The following NOTCH1 variants were observed in gnomAD, a reference collection of about 807,000 sequenced individuals.
NOTCH1 encodes neurogenic locus notch homolog protein 1.
Under a neutral mutation model 254.8 loss-of-function variants are expected in NOTCH1, and 37 were observed. The observed-to-expected ratio is 0.15, with a 90% CI of 0.11 to 0.19. NOTCH1 has a LOEUF of 0.19. NOTCH1 is among the 10% of genes least tolerant of loss of function. The probability of loss-of-function intolerance (pLI) is 1.00; values close to 1 mark genes in which losing one functional copy is unlikely to be tolerated. For synonymous variants in NOTCH1, 1,731 were observed against 1,618.1 expected, an observed-to-expected ratio of 1.07 and a Z score of -1.68; for missense variants, 2,972 against 3,708.6, an observed-to-expected ratio of 0.80 and a Z score of 5.16.
rs768625801 is a variant in NOTCH1, at chr9:136,523,785, C to A, written c.335G>T (p.Arg112Leu). The A allele has an allele frequency of 1.2e-6, 2 of 1,611,602 alleles. No individual in the cohort carries two copies. Among genetic ancestry groups the A allele is most frequent in the African/African-American group, 1.3e-5 (1 of 74,884 alleles). ...GAGCAGGTCGCAGGTGCCCCCGTTG[C>A]GGCAGGGGTTGGTGAGGCAGGCATT... ...LDNACLTNPC[R>L]NGGTCDLLTL... The change falls in exon 3 of 34, where the codon CGC becomes CTC. Residue 112 changes from arginine (R) to leucine (L), a missense_variant. Arg to Leu is a moderately radical substitution (Grantham distance 102). Coordinates refer to ENST00000651671, the MANE Select transcript of NOTCH1 (RefSeq NM_017617.5).
At chr9:136,522,578 C>G (rs1475764549) in intron 4 of NOTCH1, 1 of 490,918 alleles carries the variant, frequency 2.0e-6, no homozygotes, top group African/African-American at 2.0e-5. Context: ...TGGGGGGAGG[C>G]AGGGCGTCCT....
intron 19 of NOTCH1, 54 bp downstream of exon 19, chr9:136,508,816 T>G: frequency 6.7e-7 from 1 of 1,494,244 alleles, no homozygotes; most frequent in African/African-American, 1.4e-5. Flanking sequence ...CTCCCGCAGG[T>G]AGGCACCCAC....
In NOTCH1 at chr9:136,511,310, C is replaced by G. The variant is rs551999671; in HGVS notation, c.2468-39G>C. The G allele has an allele frequency of 1.9e-6, 3 of 1,581,936 alleles. No individual in the cohort carries two copies. In the Admixed American group the frequency reaches 5.3e-5, roughly 28 times the overall value. On this transcript the variant is annotated intron_variant, in intron 15 of 33. Coordinates refer to ENST00000651671, the MANE Select transcript of NOTCH1 (RefSeq NM_017617.5). ...ACACACGTGACCCCGGGAGCCTCACCCAGAGGGATCTCCCAAATCGGCCAC... is the reference window on the plus strand; with the variant it reads ...ACACACGTGACCCCGGGAGCCTCACGCAGAGGGATCTCCCAAATCGGCCAC...
intron 24 of NOTCH1, 68 bp from the exon 25 acceptor site, chr9:136,505,949 C>T: frequency 7.0e-7 from 1 of 1,426,814 alleles, no homozygotes; most frequent in Non-Finnish European, 9.4e-7. Flanking sequence ...ACCTCACACC[C>T]AGCCCTCGGC....
chr9:136,518,320 A>T (rs760065523), intron 6 of NOTCH1, 28 bp from the exon 7 acceptor site: 1 of 1,599,726 alleles, frequency 6.3e-7, no homozygotes, highest in Admixed American at 1.7e-5. Flanking sequence ...GTCAGTGGGC[A>T]CGGCCCCTGG....
In NOTCH1 at chr9:136,502,974, G is replaced by A. The variant is rs11574905; in HGVS notation, c.5167+208C>T. ...CACCCACTTTCCCGTGGCTGGACTCGTTCCCAGGTGGCTCCACCGGCAGCT... is the reference window on the plus strand; with the variant it reads ...CACCCACTTTCCCGTGGCTGGACTCATTCCCAGGTGGCTCCACCGGCAGCT... On this transcript the variant is annotated intron_variant, in intron 27 of 33. Coordinates refer to ENST00000651671, the MANE Select transcript of NOTCH1 (RefSeq NM_017617.5). The A allele has an allele frequency of 0.034, 25,070 of 734,444 alleles. 570 individuals carry two copies. The highest frequency in any genetic ancestry group is 0.046 in the Non-Finnish European group (19,082 of 415,478). 45.5% of individuals were successfully genotyped at this position (734,444 alleles called of 1,614,324 possible). A position where few individuals can be genotyped will look rare whatever the true frequency, so the allele number is the denominator to read the frequency against.
In NOTCH1 at chr9:136,524,113, G is replaced by A. The variant is rs556267943; in HGVS notation, c.141-134C>T. ...GGCACGGGCACAACGGCTGCTTAGC[G>A]GGGTTCCCTTAGGGCTGATAAAATG... On this transcript the variant is annotated intron_variant, in intron 2 of 33. Coordinates refer to ENST00000651671, the MANE Select transcript of NOTCH1 (RefSeq NM_017617.5). 1.0e-5 allele frequency: 12 copies of A among 1,193,206 alleles called. No individual in the cohort carries two copies. The East Asian group carries it at 1.0e-4, about 10-fold the overall frequency. The allele number at this position is 1,193,206 out of a possible 1,614,324, so 73.9% of individuals were successfully genotyped here.
chr9:136,507,563 C>A, intron 21 of NOTCH1, 126 bp from the exon 22 acceptor site: 2 of 1,342,020 alleles, frequency 1.5e-6, no homozygotes, highest in Non-Finnish European at 2.1e-6. Context: ...AGCCACGGGC[C>A]CCTCGCTCCT....
In NOTCH1 at chr9:136,504,971, G is replaced by A. The variant is rs2133337220; in HGVS notation, c.4720C>T (p.Leu1574=). Residue 1574 remains leucine (L), a synonymous_variant, in exon 26 of 34, where the codon CTG becomes TTG. Transcript: ENST00000651671. ...GGCGGCATCAGCACCACCACCACCAGCGTGCCGGCCGCCAGCCTCTCGGGT... is the reference window on the plus strand; with the variant it reads ...GGCGGCATCAGCACCACCACCACCAACGTGCCGGCCGCCAGCCTCTCGGGT... The part of the protein sequence containing the change: ...HVPERLAAGT[L]VVVVLMPPEQ... 1 of 1,588,012 alleles carries A rather than the reference G, an allele frequency of 6.3e-7. No individual in the cohort carries two copies. Among genetic ancestry groups the A allele is most frequent in the Non-Finnish European group, 8.5e-7 (1 of 1,169,626 alleles).
Position 136,505,640 on chromosome 9 carries a change from T to G in NOTCH1, c.4256A>C (p.Lys1419Thr), listed in dbSNP as rs753585226. 1 of 1,612,148 alleles carries G rather than the reference T, an allele frequency of 6.2e-7. No homozygotes were observed. The highest frequency in any genetic ancestry group is 8.5e-7 in the Non-Finnish European group (1 of 1,179,590). The change falls in exon 25 of 34, where the codon AAA becomes ACA. Residue 1419 changes from lysine to threonine, a missense_variant. Coordinates refer to ENST00000651671, the MANE Select transcript of NOTCH1 (RefSeq NM_017617.5). ...SPFYRCLCPA[K>T]FNGLLCHILD... ...GATGTGGCACAAGAGCCCGTTGAAT[T>G]TGGCGGGGCACAGGCAACGGTAGAA...
At position 136,495,173 on chromosome 9, in the gene NOTCH1, G is replaced by C. The variant is rs1842897841; in HGVS notation, c.*898C>G. 2.5e-6 allele frequency: 1 copy of C among 399,014 alleles called. No homozygotes were observed. The highest frequency in any genetic ancestry group is 4.4e-6 in the Non-Finnish European group (1 of 226,108). The allele number at this position is 399,014 out of a possible 1,614,324, so 24.7% of individuals were successfully genotyped here. On this transcript the variant is annotated 3_prime_UTR_variant, in exon 34 of 34. Transcript: ENST00000651671. Reference sequence around the variant, plus strand: ...TCAGCCCAGGCAGTGTCTTTCCCCAGAAAAGGGTAGGATGCCTCCGTGTGT... The same window carrying C: ...TCAGCCCAGGCAGTGTCTTTCCCCACAAAAGGGTAGGATGCCTCCGTGTGT...
intron 2 of NOTCH1, among the ~76,000 whole-genome samples, chr9:136,524,867 A>G (rs933448749): frequency 2.0e-5 from 3 of 151,098 alleles, no homozygotes; most frequent in Non-Finnish European, 4.4e-5. Flanking sequence ...TGATCTCTTG[A>G]CCTCGTGATC....
At position 136,545,307 on chromosome 9, in the gene NOTCH1, G is replaced by A. The variant is rs557566170; in HGVS notation, c.61+419C>T. On this transcript the variant is annotated intron_variant, in intron 1 of 33. Coordinates refer to ENST00000651671, the MANE Select transcript of NOTCH1 (RefSeq NM_017617.5). The surrounding 1 kb of genome is among the most constrained non-coding windows in gnomAD (Gnocchi z 6.8). The stretch of plus-strand genomic sequence containing the variant: ...AACATCCGCCCCGGCGTGGGCCAGA[G>A]GCGAAGAAGAAAGAAGATAAATGGC... Among the ~76,000 whole-genome samples, 31 of 152,280 alleles carry A rather than the reference G, an allele frequency of 2.0e-4. No individual in the cohort carries two copies. In the South Asian group the frequency reaches 4.3e-3, roughly 21 times the overall value.
rs1460374994 is a variant in NOTCH1 at position 136,494,490 on chromosome 9, GA to G, written c.*1580del. On this transcript the variant is annotated 3_prime_UTR_variant, in exon 34 of 34. Coordinates refer to ENST00000651671, the MANE Select transcript of NOTCH1 (RefSeq NM_017617.5). ...TTGCAAATCAGTTAACAAAAAAGAT[GA>G]AAAAAATACATCATCTACAGTTCCT... The G allele has an allele frequency of 1.8e-5, 7 of 398,798 alleles. No individual in the cohort carries two copies. The highest frequency in any genetic ancestry group is 3.1e-5 in the Non-Finnish European group (7 of 226,038). 24.7% of individuals were successfully genotyped at this position (398,798 alleles called of 1,614,324 possible).
Position 136,496,848 on chromosome 9 carries a change from A to T in NOTCH1, c.6891T>A (p.Thr2297=). ...GSSSGGALNF[T]VGGSTSLNGQ... The stretch of plus-strand genomic sequence containing the variant: ...CATTCAAACTGGTGGACCCGCCCAC[A>T]GTGAAATTCAGGGCCCCTCCGCTGC... Residue 2297 remains threonine, a synonymous_variant, in exon 34 of 34, where the codon ACT becomes ACA. Transcript: ENST00000651671. 1 of 1,612,916 alleles carries T rather than the reference A, an allele frequency of 6.2e-7. No individual in the cohort carries two copies. The highest frequency in any genetic ancestry group is 8.5e-7 in the Non-Finnish European group (1 of 1,179,980).
rs2133338660 is a variant in NOTCH1, at chr9:136,505,355, C to G, written c.4541G>C (p.Cys1514Ser). Residue 1514 changes from cysteine to serine, a missense_variant, in exon 25 of 34, where the codon TGC (cysteine) becomes TCC (serine). This residue lies in a region of NOTCH1 where 1,343 missense variants were observed against 1,557.0 expected (regional missense o/e 0.86). Transcript: ENST00000651671. ...CTGGCAGTCAAAGCCGTCGAAGAGG[C>G]AGCCGGCTGAGTTGCACTGGCTGTC... ...HCDSQCNSAG[C>S]LFDGFDCQRA... 1 of 1,605,826 alleles carries G rather than the reference C, an allele frequency of 6.2e-7. No individual in the cohort carries two copies. The highest frequency in any genetic ancestry group is 8.5e-7 in the Non-Finnish European group (1 of 1,176,922).
At chr9:136,517,717 G>T (rs758388400) in intron 8 of NOTCH1, 35 bp downstream of exon 8, 1 of 1,611,412 alleles carries the variant, frequency 6.2e-7, no homozygotes, top group South Asian at 1.1e-5. Context: ...GCCCAGCCTC[G>T]ACTCGGTTTC....
At chr9:136,543,714 G>A (rs1843766597) in intron 2 of NOTCH1, 3 of 517,762 alleles carry the variant, frequency 5.8e-6, no homozygotes, top group South Asian at 2.0e-5. Context: ...TCCCCTGGCA[G>A]ATCAACTGTT....
intron 12 of NOTCH1, 69 bp downstream of exon 12, chr9:136,515,221 C>T (rs1843244409): frequency 1.4e-6 from 2 of 1,469,018 alleles, no homozygotes; most frequent in African/African-American, 2.8e-5. Context: ...CTCAGCAGCC[C>T]CAGGGCAGAG....
Sources: allele counts gnomAD v4.1 joint callset (sites outside exome capture counted in the v4.1 genomes callset), GRCh38; gene constraint gnomAD v4.1.1; regional missense constraint gnomAD v4.1.1; non-coding constraint Gnocchi (gnomAD v3.1); transcripts MANE v1.5; gene names NCBI Gene and HGNC (gene_info 2026-07-23, HGNC 2026-07-21).